Variants in ABCA13 observed in about 807,000 individuals in gnomAD.
ABCA13 encodes the protein ATP binding cassette subfamily A member 13.
Under a neutral mutation model 478.7 loss-of-function variants are expected in ABCA13, and 476 were observed. The ratio of observed to expected loss-of-function variants is 0.99; its 90% CI spans 0.92 to 1.07. The LOEUF is 1.07. Among genes scored for constraint, ABCA13 ranks in the 50% least tolerant of loss-of-function variants. ABCA13 has a pLI of 0.00. For synonymous variants in ABCA13, 2,252 were observed against 2,158.9 expected (o/e 1.04, Z -1.20); for missense variants, 6,060 against 5,910.6 (o/e 1.03, Z -0.83).
intron 43 of ABCA13, among the ~76,000 whole-genome samples, chr7:48,459,889 G>A (rs1826065188): frequency 6.6e-6 from 1 of 152,030 alleles, no homozygotes. Flanking sequence ...TCATCTTCTG[G>A]GATGGGGCTC....
At chr7:48,374,217 G>A in intron 33 of ABCA13, 130 bp from the exon 34 acceptor site, 1 of 742,594 alleles carries the variant, frequency 1.3e-6, no homozygotes, top group Non-Finnish European at 2.2e-6. Context: ...ATGACTGCCT[G>A]AAGCGATGGT....
At chr7:48,369,556 G>A (rs745895112) in intron 32 of ABCA13, among the ~76,000 whole-genome samples, 2 of 152,086 alleles carry the variant, frequency 1.3e-5, no homozygotes, top group African/African-American at 2.4e-5. Context: ...TCCACCTTGA[G>A]TTGATTTTTG....
chr7:48,273,095 C>A lies in ABCA13; in HGVS notation c.3429C>A (p.Ser1143=). 1 of 1,613,598 alleles carries A rather than the reference C, an allele frequency of 6.2e-7. No homozygotes were observed. Among genetic ancestry groups the A allele is most frequent in the Non-Finnish European group, 8.5e-7 (1 of 1,179,724 alleles). The change falls in exon 17 of 62, where the codon TCC becomes TCA. Residue 1143 remains serine, a synonymous_variant. Transcript: ENST00000435803. ...TCAGTGTGTTCAACAAGTTTATGTC[C>A]ATTCACTGTACCGTTTCATGGCTTC... is the stretch of plus-strand genomic sequence containing the variant. The part of the protein sequence containing the change: ...ANVSVFNKFM[S]IHCTVSWLQM...
At position 48,279,529 on chromosome 7, in the gene ABCA13, T is replaced by A. The variant is rs985583101; in HGVS notation, c.8335T>A (p.Leu2779Ile). 6.2e-7 allele frequency: 1 copy of A among 1,613,524 alleles called. No individual in the cohort carries two copies. The highest frequency in any genetic ancestry group is 8.5e-7 in the Non-Finnish European group (1 of 1,179,682). Residue 2779 changes from leucine to isoleucine, a missense_variant, in exon 18 of 62, where the codon TTA becomes ATA. Around this residue, in one of 3 missense-constraint regions of ABCA13, gnomAD observed 4,423 missense variants for 4,309.1 expected, o/e 1.03. Transcript: ENST00000435803. ...NNLLKTIETVLEASSGIKSDY... is the reference protein window; with the variant it reads ...NNLLKTIETVIEASSGIKSDY... ...CCTTTTGAAAACCATAGAAACAGTT[T>A]TAGAGGCCTCCAGTGGAATTAAAAG... is the stretch of plus-strand genomic sequence containing the variant.
chr7:48,413,960 T>C (rs1252137788), intron 41 of ABCA13, among the ~76,000 whole-genome samples: 2 of 152,196 alleles, frequency 1.3e-5, no homozygotes, highest in African/African-American at 4.8e-5. Context: ...TTCTGATAGT[T>C]AGTCAAGTTC....
At chr7:48,615,095 A>C (rs1792433238) in intron 58 of ABCA13, among the ~76,000 whole-genome samples, 190 bp from the exon 59 acceptor site, 1 of 151,318 alleles carries the variant, frequency 6.6e-6, no homozygotes, top group African/African-American at 2.4e-5. Context: ...TGTTAATTGT[A>C]AAATTGGCTG....
intron 7 of ABCA13, among the ~76,000 whole-genome samples, chr7:48,232,126 A>G (rs1261898975): frequency 3.2e-5 from 3 of 95,100 alleles, no homozygotes; most frequent in Non-Finnish European, 6.8e-5. Flanking sequence ...CAGCACAGTG[A>G]GACCCACATG....
intron 15 of ABCA13, among the ~76,000 whole-genome samples, chr7:48,253,577 C>G (rs2128703339): frequency 6.6e-6 from 1 of 152,320 alleles, no homozygotes; most frequent in South Asian, 2.1e-4. Context: ...ACCTTTGCTT[C>G]CAGGCTCAAG....
At chr7:48,318,191 C>T (rs1802864640) in intron 27 of ABCA13, among the ~76,000 whole-genome samples, 1 of 152,194 alleles carries the variant, frequency 6.6e-6, no homozygotes, top group African/African-American at 2.4e-5. Context: ...TCATGAGTTT[C>T]ATGCTTCTGA....
rs1428048616 is a variant in ABCA13 at position 48,520,263 on chromosome 7, C to T, written c.14020C>T (p.Leu4674=). The T allele has an allele frequency of 6.2e-7, 1 of 1,613,160 alleles. No homozygotes were observed. Among genetic ancestry groups the T allele is most frequent in the African/African-American group, 1.3e-5 (1 of 75,002 alleles). The change falls in exon 53 of 62, where the codon CTG becomes TTG. Residue 4674 remains leucine, a synonymous_variant. Transcript: ENST00000435803. ...QGTVLLLLRV[L]LHWDLLRWPR... is the part of the protein sequence containing the mutation. ...CACAGTACTTCTCCTCTTGAGGGTT[C>T]TGCTACACTGGGACCTTCTGCGATG...
rs760652887 is a variant in ABCA13, at chr7:48,392,039, A to G, written c.11773A>G (p.Ile3925Val). The G allele has an allele frequency of 1.9e-6, 3 of 1,613,986 alleles. No homozygotes were observed. In the Admixed American group the frequency reaches 5.0e-5, roughly 27 times the overall value. The part of the protein sequence containing the change: ...MELGVCPQQD[I>V]LLDNLTVREH... Reference sequence around the variant, plus strand: ...GCTTGGTGTGTGTCCGCAGCAGGACATCCTGTTGGACAACCTCACCGTCCG... The same window carrying G: ...GCTTGGTGTGTGTCCGCAGCAGGACGTCCTGTTGGACAACCTCACCGTCCG... Residue 3925 changes from isoleucine (I) to valine (V), a missense_variant, in exon 38 of 62, where the codon ATC becomes GTC. Physicochemically the swap from Ile to Val is conservative, Grantham distance 29. Transcript: ENST00000435803.
intron 18 of ABCA13, among the ~76,000 whole-genome samples, chr7:48,280,549 G>A (rs952248074): frequency 6.6e-6 from 1 of 152,214 alleles, no homozygotes; most frequent in South Asian, 2.1e-4. Context: ...GAGGCCCAGA[G>A]ATGCTGCAGC....
rs933385827 is a variant in ABCA13, at chr7:48,549,643, G to T, written c.14354+21298G>T. On this transcript the variant is annotated intron_variant, in intron 55 of 61. Coordinates refer to ENST00000435803, the MANE Select transcript of ABCA13 (RefSeq NM_152701.5). Reference sequence around the variant, plus strand: ...CTAGATCTTTGAGGAATCACCACACGTCTTCCACAATGGTTGAACAAATTT... The same window carrying T: ...CTAGATCTTTGAGGAATCACCACACTTCTTCCACAATGGTTGAACAAATTT... Among the ~76,000 whole-genome samples, 3 of 113,240 alleles carry T rather than the reference G, an allele frequency of 2.6e-5. No individual in the cohort carries two copies. The South Asian group carries it at 7.3e-4, about 27-fold the overall frequency. 74.3% of individuals were successfully genotyped at this position (113,240 alleles called of 152,430 possible). A position where few individuals can be genotyped will look rare whatever the true frequency, so the allele number is the denominator to read the frequency against.
chr7:48,363,676 C>T (rs1213711215), intron 31 of ABCA13, among the ~76,000 whole-genome samples: 1 of 152,018 alleles, frequency 6.6e-6, no homozygotes, highest in African/African-American at 2.4e-5. Flanking sequence ...ACATCCCTTA[C>T]TGTATTTTGT....
At chr7:48,290,193 G>A (rs1240353728) in intron 20 of ABCA13, among the ~76,000 whole-genome samples, 1 of 152,210 alleles carries the variant, frequency 6.6e-6, no homozygotes, top group African/African-American at 2.4e-5. Context: ...GAATGGGGCA[G>A]AAATTAAACT....
chr7:48,190,907 GT>G (rs1357377317), intron 1 of ABCA13, among the ~76,000 whole-genome samples: 2 of 152,006 alleles, frequency 1.3e-5, no homozygotes, highest in Non-Finnish European at 2.9e-5. Context: ...AATGTCAAAA[GT>G]TATATGAGTC....
chr7:48,630,096 A>G (rs149212237), intron 59 of ABCA13, among the ~76,000 whole-genome samples: 301 of 151,990 alleles, frequency 2.0e-3, no homozygotes, highest in African/African-American at 6.9e-3. Flanking sequence ...TTGTTTTTGG[A>G]TTACTACTCT....
At chr7:48,600,057 C>T (rs1790721658) in intron 58 of ABCA13, among the ~76,000 whole-genome samples, 1 of 152,062 alleles carries the variant, frequency 6.6e-6, no homozygotes, top group South Asian at 2.1e-4. Flanking sequence ...TCTTTTCCTT[C>T]TTTAGATTCT....
chr7:48,634,090 A>G (rs1794434369), intron 59 of ABCA13, among the ~76,000 whole-genome samples: 1 of 152,202 alleles, frequency 6.6e-6, no homozygotes, highest in Admixed American at 6.5e-5. Context: ...GTAAACAAAA[A>G]AATTAATGAC....
Sources: gnomAD v4.1 joint callset for allele counts (sites outside exome capture counted in the v4.1 genomes callset) on GRCh38, gnomAD v4.1.1 for gene constraint, gnomAD v4.1.1 regional missense constraint, MANE v1.5 for transcripts, NCBI Gene and HGNC (gene_info 2026-07-23, HGNC 2026-07-21) for gene names.